Variants in ASAP1 observed in about 807,000 individuals in gnomAD.
The protein encoded by ASAP1 is arf-GAP with SH3 domain, ANK repeat and PH domain-containing protein 1.
ASAP1 carries 43 observed loss-of-function variants against 145.2 expected under a neutral mutation model. The ratio of observed to expected loss-of-function variants is 0.30; its 90% CI spans 0.23 to 0.38. The LOEUF is 0.38. Ranked by LOEUF, ASAP1 falls within the 10% of genes least tolerant of loss-of-function variation. The pLI is 1.00. For synonymous variants in ASAP1, 546 were observed against 515.5 expected (o/e 1.06, Z -0.80); for missense variants, 1,018 against 1,355.3 (o/e 0.75, Z 3.91).
chr8:130,208,486 T>G (rs540136176), intron 5 of ASAP1: 1 of 152,342 alleles, frequency 6.6e-6, no homozygotes, highest in Non-Finnish European at 1.5e-5. Context: ...GACTTTGACT[T>G]TAGTCATAAA....
chr8:130,217,039 A>G (rs187448704), intron 4 of ASAP1, among the ~76,000 whole-genome samples: 219 of 152,358 alleles, frequency 1.4e-3, no homozygotes, highest in African/African-American at 5.1e-3. Context: ...CAATCCTTGC[A>G]GGGTTACAGA....
At chr8:130,113,755 T>C (rs996784842) in intron 23 of ASAP1, among the ~76,000 whole-genome samples, 1 of 152,068 alleles carries the variant, frequency 6.6e-6, no homozygotes, top group South Asian at 2.1e-4. Context: ...AAAATGGGGA[T>C]AACAATGTCC....
intron 11 of ASAP1, among the ~76,000 whole-genome samples, chr8:130,164,387 C>T (rs991015756): frequency 3.3e-5 from 5 of 152,064 alleles, no homozygotes; most frequent in African/African-American, 7.2e-5. Context: ...TTGAGGAGTT[C>T]GAGACCAGCC....
intron 15 of ASAP1, among the ~76,000 whole-genome samples, chr8:130,132,781 A>G (rs1412020898): frequency 6.6e-6 from 1 of 152,214 alleles, no homozygotes; most frequent in Non-Finnish European, 1.5e-5. Context: ...ATAGCTAATT[A>G]GACCTTTCTC....
intron 27 of ASAP1, among the ~76,000 whole-genome samples, chr8:130,065,028 C>T (rs2097427748): frequency 6.6e-6 from 1 of 151,916 alleles, no homozygotes; most frequent in Admixed American, 6.6e-5. Context: ...GCCTGTGTCA[C>T]CATGCCCAGC....
chr8:130,412,002 T>C (rs1829284419), intron 1 of ASAP1, among the ~76,000 whole-genome samples: 1 of 152,098 alleles, frequency 6.6e-6, no homozygotes, highest in Non-Finnish European at 1.5e-5. Flanking sequence ...AAGCCCCCAT[T>C]ACCCAGTGCT....
At chr8:130,425,874 C>T (rs1352091471) in intron 1 of ASAP1, among the ~76,000 whole-genome samples, 1 of 152,166 alleles carries the variant, frequency 6.6e-6, no homozygotes, top group African/African-American at 2.4e-5. Context: ...GTAGAACTGA[C>T]CCAGCTTAGC....
At chr8:130,222,082 A>G (rs1427050437) in intron 4 of ASAP1, among the ~76,000 whole-genome samples, 1 of 152,230 alleles carries the variant, frequency 6.6e-6, no homozygotes, top group African/African-American at 2.4e-5. Context: ...AGCTTCAGAC[A>G]ACGCTGAAGA....
chr8:130,221,606 T>C (rs1465338148), intron 4 of ASAP1, among the ~76,000 whole-genome samples: 1 of 152,214 alleles, frequency 6.6e-6, no homozygotes, highest in Non-Finnish European at 1.5e-5. Flanking sequence ...TATAAGCTCC[T>C]AGGCCTAGCT....
At chr8:130,221,255 A>G (rs1336434342) in intron 4 of ASAP1, among the ~76,000 whole-genome samples, 1 of 152,122 alleles carries the variant, frequency 6.6e-6, no homozygotes, top group African/African-American at 2.4e-5. Context: ...AAGAAAGGAA[A>G]GAAAAGAAAG....
At chr8:130,114,530 G>T (rs894942334) in intron 23 of ASAP1, among the ~76,000 whole-genome samples, 5 of 152,154 alleles carry the variant, frequency 3.3e-5, no homozygotes, top group African/African-American at 1.2e-4. Flanking sequence ...ATACAACTCA[G>T]TGCAGTAGGT....
intron 15 of ASAP1, among the ~76,000 whole-genome samples, chr8:130,131,584 G>A (rs1394538405): frequency 9.4e-6 from 1 of 105,970 alleles, no homozygotes; most frequent in Non-Finnish European, 1.7e-5. Flanking sequence ...GGTAACAACA[G>A]CAAGACCTCA....
chr8:130,399,165 A>C (rs1159447637), intron 2 of ASAP1, among the ~76,000 whole-genome samples: 1 of 152,222 alleles, frequency 6.6e-6, no homozygotes, highest in African/African-American at 2.4e-5. Context: ...AGAAGCAGCT[A>C]AAATGGGGCT....
chr8:130,134,420 C>A (rs936467397), intron 14 of ASAP1, 76 bp from the exon 15 acceptor site: 11 of 912,156 alleles, frequency 1.2e-5, no homozygotes, highest in South Asian at 8.2e-5. Context: ...GATTTAAGTT[C>A]CTGGGAAGAA....
At chr8:130,256,954 A>G (rs1249686376) in intron 3 of ASAP1, among the ~76,000 whole-genome samples, 2 of 151,628 alleles carry the variant, frequency 1.3e-5, no homozygotes, top group Non-Finnish European at 2.9e-5. Context: ...CAACATTTAA[A>G]AAATGGAGCT....
chr8:130,251,678 C>T (rs896783808), intron 3 of ASAP1, among the ~76,000 whole-genome samples: 1 of 152,050 alleles, frequency 6.6e-6, no homozygotes, highest in Admixed American at 6.6e-5. Context: ...CTAATACATA[C>T]TTAGGATGTA....
chr8:130,182,337 C>T (rs747650047), intron 7 of ASAP1, among the ~76,000 whole-genome samples: 3 of 152,122 alleles, frequency 2.0e-5, no homozygotes, highest in Non-Finnish European at 4.4e-5. Context: ...TGACGGAATT[C>T]AATAAATATT....
intron 27 of ASAP1, among the ~76,000 whole-genome samples, chr8:130,072,824 T>TGTGTGCGTGTGCGC: frequency 3.1e-5 from 1 of 32,282 alleles, no homozygotes; most frequent in Non-Finnish European, 5.7e-5. Context: ...TGTGTGTGTG[T>TGTGTGCGTGTGCGC]GCGCGCGGGG....
At chr8:130,057,052 G>GT (rs1163338142) in intron 29 of ASAP1, among the ~76,000 whole-genome samples, 3 of 152,210 alleles carry the variant, frequency 2.0e-5, no homozygotes, top group African/African-American at 7.2e-5. Flanking sequence ...TGTAAAAGGA[G>GT]TTTTCATAGA....
Sources: gnomAD v4.1 joint callset for allele counts (sites outside exome capture counted in the v4.1 genomes callset) on GRCh38, gnomAD v4.1.1 for gene constraint, MANE v1.5 for transcripts, NCBI Gene and HGNC (gene_info 2026-07-23, HGNC 2026-07-21) for gene names.